The following LUC7L variants were observed in gnomAD, a reference collection of about 807,000 sequenced individuals.
LUC7L encodes putative RNA-binding protein Luc7-like 1.
Under a neutral mutation model 51.1 loss-of-function variants are expected in LUC7L, and 29 were observed. That is an observed-to-expected ratio of 0.57 (90% CI 0.42 to 0.77). The LOEUF is 0.77. Ranked by LOEUF, LUC7L falls within the 30% of genes least tolerant of loss-of-function variation. The probability of loss-of-function intolerance (pLI) is 0.00; values close to 1 mark genes in which losing one functional copy is unlikely to be tolerated. For missense variants in LUC7L, 403 were observed against 511.9 expected, an observed-to-expected ratio of 0.79 and a Z score of 2.05; for synonymous variants, 181 against 180.7, an observed-to-expected ratio of 1.00 and a Z score of -0.01.
In LUC7L at chr16:227,281, G is replaced by A. The variant is rs761395587; in HGVS notation, c.117C>T (p.His39=). The part of the protein sequence containing the change: ...KFTDDRVCKS[H]LLDCCPHDIL... ...TGTCATGGGGGCAGCAGTCCAGAAGGTGACTCTTGCAGACACGGTCATCTG... is the reference window on the plus strand; with the variant it reads ...TGTCATGGGGGCAGCAGTCCAGAAGATGACTCTTGCAGACACGGTCATCTG... Residue 39 remains histidine, a synonymous_variant, in exon 2 of 10, where the codon CAC becomes CAT. Transcript: ENST00000293872. 1 of 1,613,060 alleles carries A rather than the reference G, an allele frequency of 6.2e-7. No individual in the cohort carries two copies. Among genetic ancestry groups the A allele is most frequent in the South Asian group, 1.1e-5 (1 of 90,792 alleles).
At position 199,543 on chromosome 16, in the gene LUC7L, T is replaced by A. The variant is rs1350229578; in HGVS notation, c.511-305A>T. Among the ~76,000 whole-genome samples the A allele has an allele frequency of 1.4e-4, 21 of 150,366 alleles. No homozygotes were observed. In the South Asian group the frequency reaches 3.4e-3, roughly 24 times the overall value. On this transcript the variant is annotated intron_variant, in intron 5 of 9. Coordinates refer to ENST00000293872, the MANE Select transcript of LUC7L (RefSeq NM_201412.3). Reference sequence around the variant, plus strand: ...TCCCAGCACTTTGGGAGGCTGAGGCTGGCGGATCACCTGAGGTCCGGAGTT... The same window carrying A: ...TCCCAGCACTTTGGGAGGCTGAGGCAGGCGGATCACCTGAGGTCCGGAGTT...
chr16:211,831 C>T (rs190845241), intron 3 of LUC7L, among the ~76,000 whole-genome samples: 78 of 152,330 alleles, frequency 5.1e-4, no homozygotes, highest in Middle Eastern at 6.8e-3. Flanking sequence ...AGGAGGCTGT[C>T]CCTCCACACA....
chr16:220,905 C>A (rs2049946511), intron 2 of LUC7L, among the ~76,000 whole-genome samples, 158 bp from the exon 3 acceptor site: 2 of 152,200 alleles, frequency 1.3e-5, no homozygotes, highest in Non-Finnish European at 2.9e-5. Flanking sequence ...GGCTGAGAAG[C>A]CTCATTTCAC....
chr16:220,452 T>C (rs1281441537), intron 3 of LUC7L, 197 bp downstream of exon 3: 7 of 512,194 alleles, frequency 1.4e-5, no homozygotes, highest in Non-Finnish European at 2.4e-5. Context: ...ACACATATTA[T>C]CATTTAGGAC....
intron 9 of LUC7L, 166 bp from the exon 10 acceptor site, chr16:189,505 T>C (rs1413197291): frequency 2.1e-6 from 3 of 1,404,916 alleles, no homozygotes; most frequent in Non-Finnish European, 2.8e-6. Flanking sequence ...TATGGAGTGT[T>C]AGATAGCCAT....
chr16:207,211 A>C (rs1418887570), intron 4 of LUC7L, among the ~76,000 whole-genome samples: 4 of 151,556 alleles, frequency 2.6e-5, no homozygotes, highest in African/African-American at 7.3e-5. Flanking sequence ...AAAAAAAAAA[A>C]AAAACCGACA....
chr16:223,974 G>C (rs763791679), intron 2 of LUC7L, among the ~76,000 whole-genome samples: 8 of 151,788 alleles, frequency 5.3e-5, no homozygotes, highest in Non-Finnish European at 1.0e-4. Flanking sequence ...CACCGCACCT[G>C]GCCTCATTCA....
In LUC7L at chr16:226,873, A is replaced by T. The variant is rs527574452; in HGVS notation, c.156+369T>A. Reference sequence around the variant, plus strand: ...TATAAAATCCTACCAAATGAATAGAATCTATCATTTTAAGGGCATCAGGGA... The same window carrying T: ...TATAAAATCCTACCAAATGAATAGATTCTATCATTTTAAGGGCATCAGGGA... On this transcript the variant is annotated intron_variant, in intron 2 of 9. Coordinates refer to ENST00000293872, the MANE Select transcript of LUC7L (RefSeq NM_201412.3). 4.6e-5 allele frequency among the ~76,000 whole-genome samples: 7 copies of T among 152,322 alleles called. No homozygotes were observed. In the South Asian group the frequency reaches 1.2e-3, roughly 27 times the overall value.
chr16:203,490 T>G (rs2049390510), intron 5 of LUC7L, among the ~76,000 whole-genome samples: 1 of 151,848 alleles, frequency 6.6e-6, no homozygotes, highest in Non-Finnish European at 1.5e-5. Context: ...GCAGATCGCT[T>G]GAGCCAAGGA....
At position 206,058 on chromosome 16, in the gene LUC7L, G is replaced by C; in HGVS notation, c.456C>G (p.Ser152=). Residue 152 remains serine (S), a synonymous_variant, in exon 5 of 10, where the codon TCC becomes TCG. Transcript: ENST00000293872. ...QLGAEGNVDE[S]QKILMEVEKV... is the part of the protein sequence containing the mutation. ...TTTCCACTTCCATAAGAATCTTCTG[G>C]GATTCATCCACATTACCTTCAGCCC... 6.2e-7 allele frequency: 1 copy of C among 1,613,660 alleles called. No homozygotes were observed. Among genetic ancestry groups the C allele is most frequent in the Non-Finnish European group, 8.5e-7 (1 of 1,179,934 alleles).
At position 190,146 on chromosome 16, in the gene LUC7L, A is replaced by G. The variant is rs2048974460; in HGVS notation, c.807-11T>C. The stretch of plus-strand genomic sequence containing the variant: ...TCCCGGGAGCGTGACCTGAACAATC[A>G]GAAGGCTCCAAGGCTGAGACTCTAT... On this transcript the variant is annotated splice_polypyrimidine_tract_variant and intron_variant, in intron 8 of 9. Coordinates refer to ENST00000293872, the MANE Select transcript of LUC7L (RefSeq NM_201412.3). The G allele has an allele frequency of 6.2e-7, 1 of 1,607,110 alleles. No individual in the cohort carries two copies. Among genetic ancestry groups the G allele is most frequent in the Non-Finnish European group, 8.5e-7 (1 of 1,178,470 alleles).
rs768194768 is a variant in LUC7L at position 228,173 on chromosome 16, G to A, written c.62-837C>T. 11 of 1,247,594 alleles carry A rather than the reference G, an allele frequency of 8.8e-6. No homozygotes were observed. The South Asian group carries it at 1.4e-4, about 16-fold the overall frequency. 77.3% of individuals were successfully genotyped at this position (1,247,594 alleles called of 1,614,324 possible). A position where few individuals can be genotyped will look rare whatever the true frequency, so the allele number is the denominator to read the frequency against. On this transcript the variant is annotated intron_variant, in intron 1 of 9. Coordinates refer to ENST00000293872, the MANE Select transcript of LUC7L (RefSeq NM_201412.3). ...TGTATACAACACAGAGCTGTGCAAC[G>A]CTAGAGGAGGAATATATTTTAGGAT...
intron 3 of LUC7L, among the ~76,000 whole-genome samples, chr16:213,431 A>G (rs1388235524): frequency 6.6e-6 from 1 of 151,936 alleles, no homozygotes; most frequent in Admixed American, 6.6e-5. Flanking sequence ...ACACAGCGTC[A>G]TCTTGTCACC....
At chr16:218,001 G>T (rs978508376) in intron 3 of LUC7L, among the ~76,000 whole-genome samples, 12 of 150,260 alleles carry the variant, frequency 8.0e-5, no homozygotes, top group Admixed American at 7.4e-4. Flanking sequence ...CTACAGCCTG[G>T]GCGACAAGAG....
chr16:193,152 ACTTTT>A (rs1480365683), intron 6 of LUC7L, 137 bp from the exon 7 acceptor site: 6 of 736,358 alleles, frequency 8.1e-6, no homozygotes, highest in Non-Finnish European at 1.4e-5. Flanking sequence ...AAATGGGAAT[ACTTTT>A]TTTTTTCTCT....
intron 6 of LUC7L, among the ~76,000 whole-genome samples, chr16:195,481 T>A (rs994549988): frequency 1.8e-4 from 27 of 151,920 alleles, no homozygotes; most frequent in Middle Eastern, 3.4e-3. Context: ...TGGAGTGTAG[T>A]GTCGTGATCA....
At chr16:208,717 G>C (rs2049553950) in intron 3 of LUC7L, 1 of 758,374 alleles carries the variant, frequency 1.3e-6, no homozygotes, top group African/African-American at 1.9e-5. Context: ...AATACATTTT[G>C]TTATTGCCTA....
intron 5 of LUC7L, among the ~76,000 whole-genome samples, chr16:204,272 C>CA (rs2049415847): frequency 6.7e-6 from 1 of 149,768 alleles, no homozygotes; most frequent in Non-Finnish European, 1.5e-5. Flanking sequence ...GGTGAAACCC[C>CA]ATCCCTACTA....
intron 3 of LUC7L, among the ~76,000 whole-genome samples, chr16:215,254 G>C (rs2049758312): frequency 6.6e-6 from 1 of 152,142 alleles, no homozygotes; most frequent in Non-Finnish European, 1.5e-5. Context: ...TTGGGAGAGT[G>C]AGGCGGGCAG....
Sources: gnomAD v4.1 joint callset for allele counts (sites outside exome capture counted in the v4.1 genomes callset) on GRCh38, gnomAD v4.1.1 for gene constraint, MANE v1.5 for transcripts, NCBI Gene and HGNC (gene_info 2026-07-23, HGNC 2026-07-21) for gene names.